The following NIPSNAP2 variants were observed in gnomAD, a reference collection of about 807,000 sequenced individuals.
The protein encoded by NIPSNAP2 is nipsnap homolog 2.
Under a neutral mutation model 48.4 loss-of-function variants are expected in NIPSNAP2, and 42 were observed. The observed-to-expected ratio is 0.87, with a 90% confidence interval of 0.68 to 1.12. The LOEUF is 1.12. Among genes scored for constraint, NIPSNAP2 ranks in the 50% most tolerant of loss-of-function variants. The pLI is 0.00. For missense variants in NIPSNAP2, 314 were observed against 347.3 expected (o/e 0.90, Z 0.76); for synonymous variants, 158 against 126.6 (o/e 1.25, Z -1.67).
chr7:55,998,786 G>A (rs1787621510), intron 9 of NIPSNAP2, among the ~76,000 whole-genome samples: 1 of 152,040 alleles, frequency 6.6e-6, no homozygotes, highest in Non-Finnish European at 1.5e-5. Context: ...GGTGATCTGC[G>A]CCCAGCTGAT....
intron 7 of NIPSNAP2, among the ~76,000 whole-genome samples, chr7:55,987,001 A>C (rs1174222235): frequency 1.2e-4 from 18 of 149,600 alleles, no homozygotes; most frequent in African/African-American, 2.7e-4. Context: ...AAAAAAAAAA[A>C]AAAAAAAAAC....
Position 55,994,915 on chromosome 7 carries a change from A to G in NIPSNAP2, c.639A>G (p.Arg213=). 2 of 1,614,148 alleles carry G rather than the reference A, an allele frequency of 1.2e-6. No homozygotes were observed. The highest frequency in any genetic ancestry group is 1.7e-6 in the Non-Finnish European group (2 of 1,179,996). Residue 213 remains arginine, a synonymous_variant, in exon 8 of 10, where the codon AGA becomes AGG. Transcript: ENST00000322090. ...GNYWARAIRF[R]QDGNEAVGGF... is the part of the protein sequence containing the mutation. ...ACAGGGCTCGTGCAATCCGCTTCAG[A>G]CAGGATGGTAACGAAGCCGTCGGAG...
chr7:55,979,901 C>T (rs1489538139), intron 3 of NIPSNAP2: 1 of 455,196 alleles, frequency 2.2e-6, no homozygotes, highest in African/African-American at 2.0e-5. Context: ...GGCCAGGGCT[C>T]CTAAGAGCAG....
intron 7 of NIPSNAP2, among the ~76,000 whole-genome samples, chr7:55,985,603 C>T (rs1787311987): frequency 6.6e-6 from 1 of 151,884 alleles, no homozygotes; most frequent in African/African-American, 2.4e-5. Context: ...TAAAACTAGC[C>T]AGGTGTGATG....
At chr7:55,983,633 C>T in intron 5 of NIPSNAP2, 95 bp from the exon 6 acceptor site, 1 of 1,293,500 alleles carries the variant, frequency 7.7e-7, no homozygotes, top group South Asian at 1.4e-5. Context: ...TGTTGATTAC[C>T]CTATTATAGT....
chr7:55,990,603 T>G (rs1417239907), intron 7 of NIPSNAP2, among the ~76,000 whole-genome samples: 1 of 152,174 alleles, frequency 6.6e-6, no homozygotes, highest in Non-Finnish European at 1.5e-5. Flanking sequence ...TACTTTTCTT[T>G]GGCAGCTTGC....
Position 55,984,895 on chromosome 7 carries a change from A to G in NIPSNAP2, c.617+17A>G, listed in dbSNP as rs373380667. On this transcript the variant is annotated intron_variant, in intron 7 of 9. Coordinates refer to ENST00000322090, the MANE Select transcript of NIPSNAP2 (RefSeq NM_001483.3). ...CAATTACTGGTGAGTATATTACTGA[A>G]TGGTGATTTTTTAAGTCTTGTGAAT... 26 of 1,597,612 alleles carry G rather than the reference A, an allele frequency of 1.6e-5. No individual in the cohort carries two copies. In the African/African-American group the frequency reaches 3.4e-4, roughly 21 times the overall value.
chr7:55,980,238 A>G, intron 3 of NIPSNAP2: 1 of 176,192 alleles, frequency 5.7e-6, no homozygotes, highest in South Asian at 1.4e-4. Context: ...AGTAAATGCT[A>G]CTCTTCCAAA....
At chr7:55,983,218 T>C (rs188478729) in intron 5 of NIPSNAP2, among the ~76,000 whole-genome samples, 9 of 152,212 alleles carry the variant, frequency 5.9e-5, no homozygotes, top group Non-Finnish European at 1.3e-4. Flanking sequence ...TAAAACTGTC[T>C]AATTCAGGAA....
At chr7:55,983,065 G>C (rs1787254325) in intron 5 of NIPSNAP2, among the ~76,000 whole-genome samples, 1 of 143,446 alleles carries the variant, frequency 7.0e-6, no homozygotes, top group Non-Finnish European at 1.5e-5. Context: ...AGAGGTTGCA[G>C]TGTGCCGAGA....
chr7:55,971,925 T>G (rs1787021911), intron 1 of NIPSNAP2, among the ~76,000 whole-genome samples: 2 of 152,188 alleles, frequency 1.3e-5, no homozygotes, highest in Admixed American at 6.6e-5. Context: ...TAATTGTTCA[T>G]AATTGTTATT....
intron 1 of NIPSNAP2, 119 bp downstream of exon 1, chr7:55,964,820 G>A (rs1287676926): frequency 3.0e-5 from 11 of 362,428 alleles, no homozygotes; most frequent in Admixed American, 2.4e-4. Context: ...TGGCTGCCCG[G>A]CCTCGGGGCA....
intron 9 of NIPSNAP2, among the ~76,000 whole-genome samples, chr7:55,998,689 CAG>C (rs1562770914): frequency 6.6e-6 from 1 of 151,828 alleles, no homozygotes; most frequent in East Asian, 1.9e-4. Flanking sequence ...TTACTAGAGA[CAG>C]GGTTTCACCC....
intron 3 of NIPSNAP2, chr7:55,979,785 G>T (rs1222330807): frequency 2.2e-6 from 1 of 456,500 alleles, no homozygotes; most frequent in East Asian, 7.0e-5. Flanking sequence ...AGAACATAAA[G>T]ACTTAACTCC....
At chr7:55,985,807 G>A (rs1787317962) in intron 7 of NIPSNAP2, among the ~76,000 whole-genome samples, 1 of 151,712 alleles carries the variant, frequency 6.6e-6, no homozygotes, top group African/African-American at 2.4e-5. Context: ...CAACACATTG[G>A]GAGGCTGAGG....
chr7:55,977,770 T>A (rs1584342459), intron 1 of NIPSNAP2, among the ~76,000 whole-genome samples: 2 of 152,122 alleles, frequency 1.3e-5, no homozygotes, highest in East Asian at 3.8e-4. Flanking sequence ...TGAAACTCCT[T>A]ACCCCAACCT....
At chr7:55,978,665 C>G (rs1787152023) in intron 3 of NIPSNAP2, 1 of 422,754 alleles carries the variant, frequency 2.4e-6, no homozygotes, top group African/African-American at 2.0e-5. Context: ...GCTGTCTAGT[C>G]CATCTACTTA....
chr7:55,967,025 A>G (rs1459832282), intron 1 of NIPSNAP2, among the ~76,000 whole-genome samples: 1 of 152,254 alleles, frequency 6.6e-6, no homozygotes. Context: ...CAGTTTCAGC[A>G]AGGGAGAAGG....
chr7:55,996,423 A>G (rs936607160), intron 8 of NIPSNAP2, among the ~76,000 whole-genome samples: 10 of 151,962 alleles, frequency 6.6e-5, no homozygotes, highest in Non-Finnish European at 1.5e-4. Flanking sequence ...TTCAACTTCA[A>G]CACCCACCTG....
Sources: allele counts gnomAD v4.1 joint callset (sites outside exome capture counted in the v4.1 genomes callset), GRCh38; gene constraint gnomAD v4.1.1; transcripts MANE v1.5; gene names NCBI Gene and HGNC (gene_info 2026-07-23, HGNC 2026-07-21).